Variants in CD38 observed in about 807,000 individuals in gnomAD.
CD38 encodes CD38 molecule, also known as ADP-ribosyl cyclase/cyclic ADP-ribose hydrolase 1.
A neutral mutation model predicts 36.3 loss-of-function variants in CD38; 31 were observed. The ratio of observed to expected loss-of-function variants is 0.85; its 90% CI spans 0.64 to 1.15. The LOEUF is 1.15. Among genes scored for constraint, CD38 ranks in the 50% most tolerant of loss-of-function variants. The pLI, the probability that CD38 is intolerant of heterozygous loss-of-function variation, is 0.00. For missense variants in CD38, 380 were observed against 371.9 expected (o/e 1.02, Z -0.18); for synonymous variants, 131 against 135.2 (o/e 0.97, Z 0.22).
rs546205445 is a variant in CD38, at chr4:15,839,419, T to C, written c.660-607T>C. Reference sequence around the variant, plus strand: ...AGTGGTTGAAATTCTACATTTCTTTTTTTTTTTTTTTTTTTTTTTTTTGAG... The same window carrying C: ...AGTGGTTGAAATTCTACATTTCTTTCTTTTTTTTTTTTTTTTTTTTTTGAG... On this transcript the variant is annotated intron_variant, in intron 5 of 7. Coordinates refer to ENST00000226279, the MANE Select transcript of CD38 (RefSeq NM_001775.4). 8.4e-4 allele frequency among the ~76,000 whole-genome samples: 83 copies of C among 99,388 alleles called. 2 individuals are homozygous for C. In the South Asian group the frequency reaches 0.036, roughly 43 times the overall value. 65.2% of individuals were successfully genotyped at this position (99,388 alleles called of 152,430 possible). A position where few individuals can be genotyped will look rare whatever the true frequency, so the allele number is the denominator to read the frequency against.
At position 15,824,873 on chromosome 4, in the gene CD38, TTCC is replaced by T; in HGVS notation, c.364-6_364-4del. ...TCTCAGTAATAGATTGTATTTATTC[TTCC>T]TTAGATTCTTCTTTGGAGCAGAATA... On this transcript the variant is annotated splice_region_variant and splice_polypyrimidine_tract_variant and intron_variant, in intron 2 of 7. Transcript: ENST00000226279. The T allele has an allele frequency of 1.2e-6, 2 of 1,609,974 alleles. 1 individual carries two copies. The highest frequency in any genetic ancestry group is 2.2e-5 in the South Asian group (2 of 90,806).
At chr4:15,787,019 GCCGC>G (rs200817331) in intron 1 of CD38, among the ~76,000 whole-genome samples, 2,893 of 152,354 alleles carry the variant, frequency 0.019, 90 homozygotes, top group African/African-American at 0.066. Context: ...GCGCTCGCCG[GCCGC>G]TCAGAGTGCG....
At chr4:15,791,681 A>C (rs1377111950) in intron 1 of CD38, among the ~76,000 whole-genome samples, 4 of 56,536 alleles carry the variant, frequency 7.1e-5, no homozygotes, top group African/African-American at 1.4e-4. Context: ...AGGTGGGGGG[A>C]TCAGCCCCCC....
chr4:15,811,453 G>T (rs985980493), intron 1 of CD38, among the ~76,000 whole-genome samples: 2 of 151,468 alleles, frequency 1.3e-5, no homozygotes, highest in African/African-American at 4.8e-5. Flanking sequence ...TGTATATGGT[G>T]TAAAGTATGG....
chr4:15,812,493 C>T (rs1257518688), intron 1 of CD38, among the ~76,000 whole-genome samples: 2 of 151,970 alleles, frequency 1.3e-5, no homozygotes, highest in Admixed American at 6.6e-5. Flanking sequence ...CTCAGAAGTT[C>T]GAGACCAGCC....
chr4:15,824,733 T>C, intron 2 of CD38, 148 bp from the exon 3 acceptor site: 1 of 672,670 alleles, frequency 1.5e-6, no homozygotes, highest in Non-Finnish European at 2.6e-6. Flanking sequence ...CACACAGAAA[T>C]CATTGATGCT....
intron 1 of CD38, among the ~76,000 whole-genome samples, chr4:15,802,194 C>T (rs1723240978): frequency 6.6e-6 from 1 of 151,842 alleles, no homozygotes; most frequent in Non-Finnish European, 1.5e-5. Flanking sequence ...ATAGCTACCC[C>T]CCAAAAAAAA....
At chr4:15,812,464 G>A (rs1277470178) in intron 1 of CD38, among the ~76,000 whole-genome samples, 1 of 152,158 alleles carries the variant, frequency 6.6e-6, no homozygotes, top group African/African-American at 2.4e-5. Flanking sequence ...TTGGGAGGCC[G>A]AGGCGGGTGG....
chr4:15,792,826 G>A (rs142480963), intron 1 of CD38, among the ~76,000 whole-genome samples: 2 of 152,246 alleles, frequency 1.3e-5, no homozygotes, highest in African/African-American at 4.8e-5. Flanking sequence ...TCGATCAGAA[G>A]TTTAATTTTC....
At chr4:15,811,177 CAG>C (rs1560312736) in intron 1 of CD38, among the ~76,000 whole-genome samples, 1 of 152,138 alleles carries the variant, frequency 6.6e-6, no homozygotes, top group Non-Finnish European at 1.5e-5. Context: ...AGTCCTGAAA[CAG>C]AAATAATATT....
In CD38 at chr4:15,852,414, T is replaced by A. The variant is rs1371461538; in HGVS notation, c.*3812T>A. On this transcript the variant is annotated 3_prime_UTR_variant, in exon 8 of 8. Transcript: ENST00000226279. Reference sequence around the variant, plus strand: ...TAGAACAATTCCTAAATCTGTAACTTAAGTTTCTCAGGAAGATTCCATACT... The same window carrying A: ...TAGAACAATTCCTAAATCTGTAACTAAAGTTTCTCAGGAAGATTCCATACT... The A allele has an allele frequency of 6.6e-6, 1 of 152,206 alleles. No individual in the cohort carries two copies. The highest frequency in any genetic ancestry group is 1.5e-5 in the Non-Finnish European group (1 of 68,038). The allele number at this position is 152,206 out of a possible 1,614,324, so 9.4% of individuals were successfully genotyped here.
intron 1 of CD38, among the ~76,000 whole-genome samples, chr4:15,803,169 A>C (rs1238815247): frequency 6.6e-6 from 1 of 152,226 alleles, no homozygotes; most frequent in Non-Finnish European, 1.5e-5. Context: ...ACTTAAGTGT[A>C]AGACCCCAAA....
At chr4:15,840,624 G>A (rs1724186254) in intron 7 of CD38, 86 bp downstream of exon 7, 1 of 736,552 alleles carries the variant, frequency 1.4e-6, no homozygotes, top group Non-Finnish European at 2.3e-6. Flanking sequence ...TGAGCTTGGA[G>A]GGCTGTGTGA....
At chr4:15,790,711 C>G (rs1434066319) in intron 1 of CD38, among the ~76,000 whole-genome samples, 3 of 151,370 alleles carry the variant, frequency 2.0e-5, no homozygotes, top group Non-Finnish European at 4.4e-5. Flanking sequence ...GCCCGGCCGC[C>G]ATCCCATCTA....
intron 4 of CD38, among the ~76,000 whole-genome samples, chr4:15,834,985 CG>C (rs1724035081): frequency 2.6e-5 from 4 of 151,982 alleles, no homozygotes; most frequent in Non-Finnish European, 4.4e-5. Flanking sequence ...GTGATGAAAT[CG>C]GGGTAATTAA....
chr4:15,826,141 A>G (rs562122165), intron 3 of CD38: 80 of 152,322 alleles, frequency 5.3e-4, no homozygotes, highest in African/African-American at 1.9e-3. Context: ...TGCACATTAC[A>G]GAAATGCATA....
At chr4:15,816,022 C>G (rs1208489577) in intron 1 of CD38, among the ~76,000 whole-genome samples, 2 of 152,082 alleles carry the variant, frequency 1.3e-5, no homozygotes, top group Non-Finnish European at 2.9e-5. Flanking sequence ...TTGAGATAAT[C>G]ATGTGATTTT....
Position 15,778,740 on chromosome 4 carries a change from T to A in CD38, c.233+93T>A. 1.1e-6 allele frequency: 1 copy of A among 899,968 alleles called. No individual in the cohort carries two copies. Among genetic ancestry groups the A allele is most frequent in the Non-Finnish European group, 1.7e-6 (1 of 584,788 alleles). 55.7% of individuals were successfully genotyped at this position (899,968 alleles called of 1,614,324 possible). On this transcript the variant is annotated intron_variant, in intron 1 of 7. Transcript: ENST00000226279. The surrounding 1 kb of genome is among the most constrained non-coding windows in gnomAD (Gnocchi z 4.9). ...CGCCCGGATCGCCCGGAACCGGGCA[T>A]CTTCCGTGGCGGGTCAGCCGAGAGC...
At position 15,841,972 on chromosome 4, in the gene CD38, G is replaced by A. The variant is rs1313735503; in HGVS notation, c.839+1434G>A. Among the ~76,000 whole-genome samples, 32 of 139,550 alleles carry A rather than the reference G, an allele frequency of 2.3e-4. No homozygotes were observed. In the South Asian group the frequency reaches 7.5e-3, roughly 33 times the overall value. The allele number at this position is 139,550 out of a possible 152,430, so 91.6% of individuals were successfully genotyped here. The stretch of plus-strand genomic sequence containing the variant: ...TGAGATCAAACTGCAAGGCGGCAAC[G>A]AGGCTGGGGGAGGGGCGCCCGCCAT... On this transcript the variant is annotated intron_variant, in intron 7 of 7. Transcript: ENST00000226279.
Sources: gnomAD v4.1 joint callset for allele counts (sites outside exome capture counted in the v4.1 genomes callset) on GRCh38, gnomAD v4.1.1 for gene constraint, Gnocchi (gnomAD v3.1) non-coding constraint, MANE v1.5 for transcripts, NCBI Gene and HGNC (gene_info 2026-07-23, HGNC 2026-07-21) for gene names.